Variants in EFNA5 observed in about 807,000 individuals in gnomAD.
The protein encoded by EFNA5 is ephrin A5.
In EFNA5, 5 loss-of-function variants were observed where a neutral mutation model predicts 22.9. The observed-to-expected ratio is 0.22, with a 90% CI of 0.11 to 0.46. The LOEUF (loss-of-function observed/expected upper bound fraction) is 0.46, where lower values mean the gene tolerates loss of function less well. Among genes scored for constraint, EFNA5 ranks in the 20% least tolerant of loss-of-function variants. The probability of loss-of-function intolerance (pLI) is 0.99; values close to 1 mark genes in which losing one functional copy is unlikely to be tolerated. For synonymous variants in EFNA5, 113 were observed against 112.2 expected, an observed-to-expected ratio of 1.01 and a Z score of -0.04; for missense variants, 237 against 293.3, an observed-to-expected ratio of 0.81 and a Z score of 1.40.
At chr5:107,476,512 T>C (rs1750314043) in intron 1 of EFNA5, among the ~76,000 whole-genome samples, 1 of 152,160 alleles carries the variant, frequency 6.6e-6, no homozygotes, top group Admixed American at 6.5e-5. Flanking sequence ...CAGACCCTTC[T>C]ATTCCTGCTG....
chr5:107,400,870 A>G (rs17159895), intron 2 of EFNA5, among the ~76,000 whole-genome samples: 4,961 of 152,286 alleles, frequency 0.033, 247 homozygotes, highest in African/African-American at 0.11. Flanking sequence ...AGCTAGATGA[A>G]AACTTTGCCT....
chr5:107,460,335 A>T (rs570595568), intron 1 of EFNA5, among the ~76,000 whole-genome samples: 1 of 152,208 alleles, frequency 6.6e-6, no homozygotes, highest in African/African-American at 2.4e-5. Context: ...GGCCCTAACC[A>T]TTTCTGCTCC....
At chr5:107,487,272 T>G (rs147991101) in intron 1 of EFNA5, among the ~76,000 whole-genome samples, 1 of 152,248 alleles carries the variant, frequency 6.6e-6, no homozygotes, top group African/African-American at 2.4e-5. Flanking sequence ...CTGGCAGGAT[T>G]CACTTCCTCT....
At position 107,668,436 on chromosome 5, in the gene EFNA5, C is replaced by G. The variant is rs984121091; in HGVS notation, c.125+2053G>C. Among the ~76,000 whole-genome samples, 8 of 152,032 alleles carry G rather than the reference C, an allele frequency of 5.3e-5. 1 individual carries two copies. The highest frequency in any genetic ancestry group is 4.6e-4 in the Admixed American group (7 of 15,260). On this transcript the variant is annotated intron_variant, in intron 1 of 4. Coordinates refer to ENST00000333274, the MANE Select transcript of EFNA5 (RefSeq NM_001962.3). ...ATCAAAAGCACAAAACAGAGATAAC[C>G]TAAGATAAAATGTCCTCAAACTAAC...
intron 1 of EFNA5, among the ~76,000 whole-genome samples, chr5:107,529,589 C>A (rs758593316): frequency 5.9e-5 from 9 of 152,206 alleles, no homozygotes; most frequent in Non-Finnish European, 1.2e-4. Flanking sequence ...TCCTTCTCTG[C>A]ACCAAGGCAG....
Position 107,425,712 on chromosome 5 carries a change from T to C in EFNA5, c.418+1505A>G, listed in dbSNP as rs184998238. ...AAATAATAAAACTGGTACTGTTCAATTTCCTTTTTAAATTCAATTCCAATA... is the reference window on the plus strand; with the variant it reads ...AAATAATAAAACTGGTACTGTTCAACTTCCTTTTTAAATTCAATTCCAATA... On this transcript the variant is annotated intron_variant, in intron 2 of 4. Transcript: ENST00000333274. 2.0e-5 allele frequency among the ~76,000 whole-genome samples: 3 copies of C among 152,332 alleles called. No homozygotes were observed. In the East Asian group the frequency reaches 5.8e-4, roughly 29 times the overall value.
At chr5:107,668,861 C>G (rs944780038) in intron 1 of EFNA5, among the ~76,000 whole-genome samples, 1 of 152,132 alleles carries the variant, frequency 6.6e-6, no homozygotes, top group African/African-American at 2.4e-5. Flanking sequence ...AGGATGGCTT[C>G]TTTTTCTCTT....
chr5:107,491,097 G>A (rs1167426129), intron 1 of EFNA5, among the ~76,000 whole-genome samples: 1 of 152,178 alleles, frequency 6.6e-6, no homozygotes, highest in East Asian at 1.9e-4. Flanking sequence ...TGTGTTATCA[G>A]AATTCCGTAA....
chr5:107,551,906 T>TA lies in EFNA5; in HGVS notation c.125+118582dup, dbSNP rs36004705. On this transcript the variant is annotated intron_variant, in intron 1 of 4. Coordinates refer to ENST00000333274, the MANE Select transcript of EFNA5 (RefSeq NM_001962.3). ...ACTATAAGCAAAATATGTAAGCTTT[T>TA]AAAAAAAAAAGGCTGTTAAAGATTT... Among the ~76,000 whole-genome samples, 260 of 150,122 alleles carry TA rather than the reference T, an allele frequency of 1.7e-3. 1 individual carries two copies. The highest frequency in any genetic ancestry group is 0.01 in the Middle Eastern group (3 of 294).
chr5:107,451,421 T>TA (rs1310367027), intron 1 of EFNA5, among the ~76,000 whole-genome samples: 2 of 152,164 alleles, frequency 1.3e-5, no homozygotes, highest in African/African-American at 4.8e-5. Flanking sequence ...AATTTTTTCC[T>TA]AAGAGCCACA....
intron 1 of EFNA5, among the ~76,000 whole-genome samples, chr5:107,476,057 T>TATATATATATATATATATATATGTATA: frequency 6.0e-5 from 6 of 100,432 alleles, no homozygotes; most frequent in East Asian, 6.9e-4. Context: ...TATATATATA[T>TATATATATATATATATATATATGTATA]TTTTTTTTTT....
chr5:107,492,193 C>G (rs186259500), intron 1 of EFNA5, among the ~76,000 whole-genome samples: 40 of 152,042 alleles, frequency 2.6e-4, no homozygotes, highest in Admixed American at 9.8e-4. Context: ...TTTCCTAAAC[C>G]ATGTTTAAAA....
chr5:107,562,111 A>G (rs1477012262), intron 1 of EFNA5, among the ~76,000 whole-genome samples: 1 of 152,160 alleles, frequency 6.6e-6, no homozygotes, highest in Non-Finnish European at 1.5e-5. Context: ...CAACCCAACT[A>G]TATTCATTCA....
chr5:107,419,680 C>G (rs1308408384), intron 2 of EFNA5, among the ~76,000 whole-genome samples: 2 of 152,132 alleles, frequency 1.3e-5, no homozygotes, highest in African/African-American at 2.4e-5. Context: ...ACAAGTGTGT[C>G]TTAAAACACC....
intron 1 of EFNA5, among the ~76,000 whole-genome samples, chr5:107,554,413 G>T (rs999594245): frequency 6.6e-6 from 1 of 152,040 alleles, no homozygotes; most frequent in Admixed American, 6.5e-5. Flanking sequence ...AATAAAAGAA[G>T]TATTACTGCT....
chr5:107,655,017 A>C (rs1750795327), intron 1 of EFNA5, among the ~76,000 whole-genome samples: 1 of 152,130 alleles, frequency 6.6e-6, no homozygotes, highest in Non-Finnish European at 1.5e-5. Flanking sequence ...CTCATGGAAA[A>C]AAAAAAATGC....
chr5:107,579,141 T>C (rs1021944945), intron 1 of EFNA5, among the ~76,000 whole-genome samples: 1 of 152,134 alleles, frequency 6.6e-6, no homozygotes, highest in Non-Finnish European at 1.5e-5. Flanking sequence ...AAGTTAAGCA[T>C]TAACACTGTC....
Position 107,626,340 on chromosome 5 carries a change from G to A in EFNA5, c.125+44149C>T, listed in dbSNP as rs559860556. 1.7e-4 allele frequency among the ~76,000 whole-genome samples: 26 copies of A among 152,078 alleles called. 1 individual carries two copies. The highest frequency in any genetic ancestry group is 1.7e-3 in the South Asian group (8 of 4,822). ...ATCACCCAGAGTGGAGTGAAGTAGCGCAGCCATAGCTCACTGTAACCTCAA... is the reference window on the plus strand; with the variant it reads ...ATCACCCAGAGTGGAGTGAAGTAGCACAGCCATAGCTCACTGTAACCTCAA... On this transcript the variant is annotated intron_variant, in intron 1 of 4. Coordinates refer to ENST00000333274, the MANE Select transcript of EFNA5 (RefSeq NM_001962.3).
At position 107,515,362 on chromosome 5, in the gene EFNA5, T is replaced by TTTATTATTATTA. The variant is rs70996961; in HGVS notation, c.126-87865_126-87854dup. Among the ~76,000 whole-genome samples, 558 of 141,306 alleles carry TTTATTATTATTA rather than the reference T, an allele frequency of 3.9e-3. 3 individuals carry two copies. The highest frequency in any genetic ancestry group is 9.4e-3 in the South Asian group (40 of 4,244). The allele number at this position is 141,306 out of a possible 152,430, so 92.7% of individuals were successfully genotyped here. The stretch of plus-strand genomic sequence containing the variant: ...TCAAGACATGGTTTTTATTTTTTAT[T>TTTATTATTATTA]TTATTATTATTATTATTATTATTAT... On this transcript the variant is annotated intron_variant, in intron 1 of 4. Transcript: ENST00000333274.
Sources: gnomAD v4.1 joint callset for allele counts (sites outside exome capture counted in the v4.1 genomes callset) on GRCh38, gnomAD v4.1.1 for gene constraint, MANE v1.5 for transcripts, NCBI Gene and HGNC (gene_info 2026-07-23, HGNC 2026-07-21) for gene names.